Variants in AGBL1 observed in about 807,000 individuals in gnomAD.
AGBL1 encodes cytosolic carboxypeptidase 4.
A neutral mutation model predicts 118.9 loss-of-function variants in AGBL1; 130 were observed. The observed-to-expected ratio is 1.09, with a 90% CI of 0.95 to 1.26. The LOEUF is 1.26. Among genes scored for constraint, AGBL1 ranks in the 50% most tolerant of loss-of-function variants. The pLI is 0.00. For missense variants in AGBL1, 1,584 were observed against 1,298.1 expected, an observed-to-expected ratio of 1.22 and a Z score of -3.38; for synonymous variants, 555 against 478.9, an observed-to-expected ratio of 1.16 and a Z score of -2.08.
In AGBL1 at chr15:87,004,727, C is replaced by G. The variant is rs555806316; in HGVS notation, c.3323+16639C>G. 3.9e-5 allele frequency among the ~76,000 whole-genome samples: 6 copies of G among 152,282 alleles called. No individual in the cohort carries two copies. In the South Asian group the frequency reaches 1.2e-3, roughly 32 times the overall value. ...TTGTTATCTGTGAATTTGATCCTGT[C>G]ATTATGATGTTAGCTGGTTATTTTA... On this transcript the variant is annotated intron_variant, in intron 24 of 24. Transcript: ENST00000441037.
At chr15:86,827,938 C>CTTTTTTTTTTTTTGTTTTTTTTT (rs2079052984) in intron 22 of AGBL1, among the ~76,000 whole-genome samples, 3 of 16,762 alleles carry the variant, frequency 1.8e-4, no homozygotes, top group Non-Finnish European at 2.3e-4. Flanking sequence ...TGATGTAGGG[C>CTTTTTTTTTTTTTGTTTTTTTTT]TTTTTTTTTT....
intron 17 of AGBL1, among the ~76,000 whole-genome samples, chr15:86,349,741 AG>A (rs2080596334): frequency 6.6e-6 from 1 of 152,176 alleles, no homozygotes; most frequent in South Asian, 2.1e-4. Context: ...ATGTTCCTTA[AG>A]TTTGAGATGT....
Position 86,330,481 on chromosome 15 carries a change from T to C in AGBL1, c.2374+35073T>C, listed in dbSNP as rs562727875. On this transcript the variant is annotated intron_variant, in intron 17 of 22. Coordinates refer to ENST00000614907, the MANE Select transcript of AGBL1 (RefSeq NM_001386094.1). The stretch of plus-strand genomic sequence containing the variant: ...CTATAAGGAAAGATAAAGAAAAAAT[T>C]CCACTTACGTGAAAATAATTACACA... 5.9e-5 allele frequency among the ~76,000 whole-genome samples: 9 copies of C among 152,208 alleles called. No individual in the cohort carries two copies. In the East Asian group the frequency reaches 1.5e-3, roughly 26 times the overall value.
At chr15:86,432,148 C>T (rs577103012) in intron 18 of AGBL1, among the ~76,000 whole-genome samples, 39 of 152,304 alleles carry the variant, frequency 2.6e-4, no homozygotes, top group African/African-American at 8.7e-4. Context: ...CCCTGGGATC[C>T]GACCTTCTGA....
chr15:86,585,137 A>T, intron 21 of AGBL1, among the ~76,000 whole-genome samples: 1 of 152,130 alleles, frequency 6.6e-6, no homozygotes, highest in African/African-American at 2.4e-5. Context: ...AAGAGAGATA[A>T]TTTGACTTCT....
intron 22 of AGBL1, among the ~76,000 whole-genome samples, chr15:86,733,137 T>C (rs565042938): frequency 6.6e-6 from 1 of 151,490 alleles, no homozygotes; most frequent in Non-Finnish European, 1.5e-5. Context: ...AATTATGGTA[T>C]CCAAGAAGTC....
In AGBL1 at chr15:86,472,511, G is replaced by A. The variant is rs148963196; in HGVS notation, c.2556-50299G>A. Among the ~76,000 whole-genome samples the A allele has an allele frequency of 4.1e-3, 619 of 152,258 alleles. 21 individuals are homozygous for A. The highest frequency in any genetic ancestry group is 9.7e-4 in the Non-Finnish European group (66 of 68,034). ...TTCCTAACATTATACAATTTTACAG[G>A]TAATGCAAAGAGACCAGTATTACAG... On this transcript the variant is annotated intron_variant, in intron 18 of 22. Transcript: ENST00000614907.
intron 23 of AGBL1, among the ~76,000 whole-genome samples, chr15:86,928,988 T>C (rs1328643053): frequency 6.6e-6 from 1 of 152,232 alleles, no homozygotes; most frequent in Non-Finnish European, 1.5e-5. Flanking sequence ...TCCAGAACTT[T>C]TTTTTAATCA....
intron 23 of AGBL1, among the ~76,000 whole-genome samples, chr15:86,924,208 T>C (rs1414532068): frequency 2.0e-5 from 3 of 152,210 alleles, no homozygotes; most frequent in Non-Finnish European, 1.5e-5. Context: ...AATGTTTGCA[T>C]CACGATAGAT....
intron 19 of AGBL1, among the ~76,000 whole-genome samples, chr15:86,545,084 C>T (rs995494993): frequency 6.6e-6 from 1 of 152,146 alleles, no homozygotes; most frequent in Non-Finnish European, 1.5e-5. Flanking sequence ...ACGTTTGCCA[C>T]GCTTCAGTAG....
At chr15:86,166,540 T>C (rs187757387) in intron 5 of AGBL1, among the ~76,000 whole-genome samples, 2 of 152,316 alleles carry the variant, frequency 1.3e-5, no homozygotes, top group Non-Finnish European at 2.9e-5. Flanking sequence ...GGGCTTGGTC[T>C]GGCAGTGCCA....
At chr15:86,402,187 GTTAT>G (rs58824729) in intron 18 of AGBL1, among the ~76,000 whole-genome samples, 39 of 151,338 alleles carry the variant, frequency 2.6e-4, no homozygotes, top group Middle Eastern at 6.8e-3. Context: ...GTATTTCTAG[GTTAT>G]TTATTTATTT....
At chr15:86,591,448 C>T (rs970949146) in intron 21 of AGBL1, among the ~76,000 whole-genome samples, 22 of 152,256 alleles carry the variant, frequency 1.4e-4, no homozygotes, top group East Asian at 1.2e-3. Context: ...TTCAGGCTTC[C>T]GGAACTTCTG....
chr15:86,122,003 C>T (rs1898120215), intron 1 of AGBL1, among the ~76,000 whole-genome samples: 2 of 152,298 alleles, frequency 1.3e-5, no homozygotes, highest in Non-Finnish European at 2.9e-5. Context: ...AAGCAATTTG[C>T]TTTGCACAAG....
intron 23 of AGBL1, among the ~76,000 whole-genome samples, chr15:86,925,603 C>G (rs1019894842): frequency 6.6e-6 from 1 of 152,042 alleles, no homozygotes; most frequent in Non-Finnish European, 1.5e-5. Flanking sequence ...AAGCCTTGTT[C>G]TTATGTAAGC....
At chr15:87,024,086 G>T (rs2081698198) in intron 24 of AGBL1, among the ~76,000 whole-genome samples, 1 of 151,428 alleles carries the variant, frequency 6.6e-6, no homozygotes, top group Non-Finnish European at 1.5e-5. Context: ...ACCAAAACAA[G>T]AACAAACCAA....
At chr15:86,165,554 A>G (rs993467593) in intron 5 of AGBL1, among the ~76,000 whole-genome samples, 4 of 152,138 alleles carry the variant, frequency 2.6e-5, no homozygotes, top group African/African-American at 7.2e-5. Context: ...CACTGAGACA[A>G]TGGAGATCCA....
intron 18 of AGBL1, among the ~76,000 whole-genome samples, chr15:86,434,959 G>A (rs915844555): frequency 2.0e-5 from 3 of 152,176 alleles, no homozygotes; most frequent in African/African-American, 4.8e-5. Context: ...AATTACTAAA[G>A]CTTACAAATT....
At chr15:86,478,670 T>C (rs554203541) in intron 18 of AGBL1, among the ~76,000 whole-genome samples, 163 of 152,272 alleles carry the variant, frequency 1.1e-3, no homozygotes, top group African/African-American at 3.7e-3. Flanking sequence ...GGGTAATTTA[T>C]AGATTCAATG....
Sources: allele counts gnomAD v4.1 joint callset (sites outside exome capture counted in the v4.1 genomes callset), GRCh38; gene constraint gnomAD v4.1.1; transcripts MANE v1.5; gene names NCBI Gene and HGNC (gene_info 2026-07-23, HGNC 2026-07-21).